Variants in SOX6 observed in about 807,000 individuals in gnomAD.
SOX6 encodes transcription factor SOX-6.
Under a neutral mutation model 97.8 loss-of-function variants are expected in SOX6, and 11 were observed. The observed-to-expected ratio is 0.11, with a 90% CI of 0.07 to 0.19. The LOEUF is 0.19. SOX6 is among the 10% of genes least tolerant of loss of function. The pLI, the probability that SOX6 is intolerant of heterozygous loss-of-function variation, is 1.00. For missense variants in SOX6, 810 were observed against 1,039.5 expected, an observed-to-expected ratio of 0.78 and a Z score of 3.04; for synonymous variants, 360 against 371.4, an observed-to-expected ratio of 0.97 and a Z score of 0.35.
chr11:16,640,170 T>C (rs967738430), intron 3 of SOX6, among the ~76,000 whole-genome samples: 3 of 152,218 alleles, frequency 2.0e-5, no homozygotes, highest in Non-Finnish European at 2.9e-5. Flanking sequence ...GAGATTATCA[T>C]GTGGTTTTTG....
intron 3 of SOX6, among the ~76,000 whole-genome samples, chr11:16,711,242 C>T (rs1410615546): frequency 6.6e-6 from 1 of 152,146 alleles, no homozygotes; most frequent in African/African-American, 2.4e-5. Context: ...AACATTACAG[C>T]AGGCCAGGCA....
chr11:16,459,492 A>G (rs1265136211), intron 1 of SOX6, among the ~76,000 whole-genome samples: 2 of 152,078 alleles, frequency 1.3e-5, no homozygotes, highest in Non-Finnish European at 2.9e-5. Context: ...AAATCAATCA[A>G]TTGAAACTGA....
At chr11:15,993,439 T>A (rs1240659751) in intron 13 of SOX6, among the ~76,000 whole-genome samples, 1 of 140,714 alleles carries the variant, frequency 7.1e-6, no homozygotes, top group Non-Finnish European at 1.6e-5. Flanking sequence ...GTTCAGCGTA[T>A]GATTTTTCAT....
At chr11:16,246,983 T>A (rs1246341101) in intron 3 of SOX6, among the ~76,000 whole-genome samples, 3 of 152,136 alleles carry the variant, frequency 2.0e-5, no homozygotes, top group Non-Finnish European at 4.4e-5. Flanking sequence ...GAAACCCTCC[T>A]GTGATACCAA....
chr11:16,653,536 T>C (rs898832215), intron 3 of SOX6, among the ~76,000 whole-genome samples: 10 of 152,054 alleles, frequency 6.6e-5, no homozygotes, highest in Non-Finnish European at 1.2e-4. Context: ...AAACCAAACA[T>C]CGTATGTTTT....
intron 13 of SOX6, among the ~76,000 whole-genome samples, chr11:15,991,858 C>A (rs1406837775): frequency 1.3e-5 from 2 of 152,294 alleles, no homozygotes; most frequent in East Asian, 3.9e-4. Flanking sequence ...TATGCCCAAT[C>A]TCTCTCCCAC....
chr11:16,364,736 T>C (rs537649760), intron 1 of SOX6, among the ~76,000 whole-genome samples: 18 of 152,270 alleles, frequency 1.2e-4, no homozygotes, highest in East Asian at 5.8e-4. Context: ...AGAATGACTA[T>C]GTATTTCAGA....
At chr11:16,539,224 A>C (rs1420266532) in intron 4 of SOX6, among the ~76,000 whole-genome samples, 2 of 152,180 alleles carry the variant, frequency 1.3e-5, no homozygotes, top group Non-Finnish European at 2.9e-5. Flanking sequence ...CTGAATAACT[A>C]CTGGGTAAAT....
chr11:16,736,251 C>T (rs942830490), intron 2 of SOX6: 6 of 152,180 alleles, frequency 3.9e-5, no homozygotes, highest in Non-Finnish European at 5.9e-5. Context: ...GATAGTGTAT[C>T]TTTGTTTTTA....
upstream of SOX6, among the ~76,000 whole-genome samples, chr11:16,480,121 A>G (rs1860318982): frequency 6.6e-6 from 1 of 152,164 alleles, no homozygotes; most frequent in Admixed American, 6.5e-5. Flanking sequence ...AATATCAAAT[A>G]CTTATGTGAA....
intron 3 of SOX6, among the ~76,000 whole-genome samples, chr11:16,632,043 C>A (rs1168104683): frequency 6.6e-6 from 1 of 152,130 alleles, no homozygotes; most frequent in Non-Finnish European, 1.5e-5. Context: ...AGCTTCCTTG[C>A]AATCCATGCT....
At position 16,111,894 on chromosome 11, in the gene SOX6, G is replaced by A. The variant is rs1381337239; in HGVS notation, c.807C>T (p.Ile269=). The change falls in exon 7 of 16, where the codon ATC becomes ATT. Residue 269 remains isoleucine, a synonymous_variant. Transcript: ENST00000683767. ...TCCGCTGGTCATGTGGAAAAATTGG[G>A]ATCATGAGCGGAGGCATGTGACCCT... The part of the protein sequence containing the change: ...QVQGHMPPLM[I]PIFPHDQRTL... The A allele has an allele frequency of 6.2e-7, 1 of 1,612,364 alleles. No individual in the cohort carries two copies. The highest frequency in any genetic ancestry group is 2.2e-5 in the East Asian group (1 of 44,866).
chr11:16,736,089 A>G lies in SOX6; in HGVS notation n.353+250T>C, dbSNP rs142409116. Among the ~76,000 whole-genome samples, 11 of 152,344 alleles carry G rather than the reference A, an allele frequency of 7.2e-5. No individual in the cohort carries two copies. In the East Asian group the frequency reaches 2.1e-3, roughly 29 times the overall value. On this transcript the variant is annotated intron_variant and non_coding_transcript_variant, in intron 2 of 5. Coordinates refer to the SOX6 transcript ENST00000524520. The stretch of plus-strand genomic sequence containing the variant: ...ACATTGCTGAGTTTCTAGGCCTCAT[A>G]TAAGATACCACTCTGGTACTATATA...
chr11:16,602,258 A>T (rs1479381885), intron 4 of SOX6, among the ~76,000 whole-genome samples: 1 of 152,222 alleles, frequency 6.6e-6, no homozygotes, highest in East Asian at 1.9e-4. Context: ...TATGGTGGAC[A>T]AGAGAAGAGA....
At chr11:16,583,616 T>TATATATATATATATATAC (rs1848056191) in intron 4 of SOX6, among the ~76,000 whole-genome samples, 2 of 52,496 alleles carry the variant, frequency 3.8e-5, no homozygotes, top group Non-Finnish European at 7.1e-5. Context: ...TATATATACA[T>TATATATATATATATATAC]ATATATATAT....
rs140127726 is a variant in SOX6, at chr11:16,030,896, T to C, written c.1623+15618A>G. Among the ~76,000 whole-genome samples, 782 of 152,316 alleles carry C rather than the reference T, an allele frequency of 5.1e-3. 3 individuals carry two copies. The highest frequency in any genetic ancestry group is 0.02 in the Middle Eastern group (6 of 294). On this transcript the variant is annotated intron_variant, in intron 12 of 15. Transcript: ENST00000683767. ...CTAAGGCAGCTTTGAGTCTACCTCA[T>C]TCCAATGAAACAGGAGGCAGGAGGC... is the stretch of plus-strand genomic sequence containing the variant.
rs11023903 is a variant in SOX6 at position 16,282,516 on chromosome 11, G to A, written c.445+35930C>T. 8.2e-4 allele frequency among the ~76,000 whole-genome samples: 124 copies of A among 151,452 alleles called. 4 individuals carry two copies. In the East Asian group the frequency reaches 0.023, roughly 28 times the overall value. On this transcript the variant is annotated intron_variant, in intron 3 of 15. Coordinates refer to ENST00000683767, the MANE Select transcript of SOX6 (RefSeq NM_001367873.1). ...TATGCAAAGTAACTCTATCAAATTG[G>A]CCAGCTATAACTGTTTCTTGATACC...
chr11:16,344,793 A>C (rs946320136), intron 1 of SOX6, among the ~76,000 whole-genome samples: 18 of 151,904 alleles, frequency 1.2e-4, no homozygotes, highest in African/African-American at 4.3e-4. Context: ...ATAACTTAAA[A>C]ATCATTCAAA....
At chr11:16,624,026 C>G (rs975013877) in intron 3 of SOX6, among the ~76,000 whole-genome samples, 1 of 152,258 alleles carries the variant, frequency 6.6e-6, no homozygotes, top group South Asian at 2.1e-4. Flanking sequence ...TGATTGCTAT[C>G]ACAGTAGATT....
Sources: allele counts gnomAD v4.1 joint callset (sites outside exome capture counted in the v4.1 genomes callset), GRCh38; gene constraint gnomAD v4.1.1; transcripts MANE v1.5; gene names NCBI Gene and HGNC (gene_info 2026-07-23, HGNC 2026-07-21).